DCUN1D1: variants seen among roughly 807,000 people sequenced by gnomAD.
DCUN1D1 encodes DCN1-like protein 1.
In DCUN1D1, 3 loss-of-function variants were observed where a neutral mutation model predicts 39.0. That is an observed-to-expected ratio of 0.08 (90% CI 0.04 to 0.20). The LOEUF (loss-of-function observed/expected upper bound fraction) is 0.20, where lower values mean the gene tolerates loss of function less well. Among genes scored for constraint, DCUN1D1 ranks in the 10% least tolerant of loss-of-function variants. DCUN1D1 has a pLI of 1.00. For missense variants in DCUN1D1, 158 were observed against 302.4 expected, an observed-to-expected ratio of 0.52 and a Z score of 3.54; for synonymous variants, 82 against 96.3, an observed-to-expected ratio of 0.85 and a Z score of 0.87.
intron 1 of DCUN1D1, among the ~76,000 whole-genome samples, chr3:182,972,144 A>T (rs1727976307): frequency 6.6e-6 from 1 of 151,534 alleles, no homozygotes; most frequent in Admixed American, 6.6e-5. Flanking sequence ...AGAAAGAAAA[A>T]TGTATTTATA....
intron 2 of DCUN1D1, among the ~76,000 whole-genome samples, chr3:182,964,772 C>T (rs907936599): frequency 1.3e-5 from 2 of 151,364 alleles, no homozygotes; most frequent in South Asian, 2.1e-4. Context: ...TCCTGAGTAG[C>T]GGGGACTACA....
chr3:182,955,140 A>G (rs1328765662), intron 4 of DCUN1D1, among the ~76,000 whole-genome samples: 1 of 151,932 alleles, frequency 6.6e-6, no homozygotes, highest in African/African-American at 2.4e-5. Context: ...TCCAGGGTTC[A>G]AGGGATTCTC....
At chr3:182,969,002 A>C (rs985795840) in intron 1 of DCUN1D1, among the ~76,000 whole-genome samples, 3 of 152,222 alleles carry the variant, frequency 2.0e-5, no homozygotes, top group African/African-American at 7.2e-5. Flanking sequence ...CCAACACCAT[A>C]AAGGCTACTG....
intron 1 of DCUN1D1, 77 bp from the exon 2 acceptor site, chr3:182,965,830 C>T (rs1243627357): frequency 1.6e-5 from 14 of 895,588 alleles, no homozygotes; most frequent in Non-Finnish European, 1.7e-5. Flanking sequence ...GCTAACTAAA[C>T]ATTCTTAGTA....
intron 4 of DCUN1D1, among the ~76,000 whole-genome samples, chr3:182,957,937 CAAAAAAAAAAA>C (rs34998390): frequency 3.0e-5 from 2 of 67,502 alleles, no homozygotes; most frequent in African/African-American, 6.4e-5. Flanking sequence ...GACCCTGCAT[CAAAAAAAAAAA>C]AAAAAAAAAA....
chr3:182,946,852 A>C (rs1472632433), intron 6 of DCUN1D1, among the ~76,000 whole-genome samples: 1 of 152,208 alleles, frequency 6.6e-6, no homozygotes, highest in Non-Finnish European at 1.5e-5. Context: ...ACAGTGGCTC[A>C]TGCCTATAAT....
rs567083772 is a variant in DCUN1D1, at chr3:182,962,037, GT to G, written c.390-682del. 1.1e-3 allele frequency among the ~76,000 whole-genome samples: 161 copies of G among 152,070 alleles called. 1 individual carries two copies. Among genetic ancestry groups the G allele is most frequent in the Non-Finnish European group, 1.9e-3 (130 of 67,966 alleles). On this transcript the variant is annotated intron_variant, in intron 3 of 6. Coordinates refer to ENST00000292782, the MANE Select transcript of DCUN1D1 (RefSeq NM_020640.4). ...CAATTCAATTTTTTTCCTTCTAATC[GT>G]TTTTTGCTTTCATTTTCCTTCTACA...
At chr3:182,972,104 A>G (rs918228572) in intron 1 of DCUN1D1, among the ~76,000 whole-genome samples, 13 of 138,784 alleles carry the variant, frequency 9.4e-5, no homozygotes, top group South Asian at 2.3e-4. Flanking sequence ...AAGGAAGGGT[A>G]TAAGTTATTT....
rs537636225 is a variant in DCUN1D1 at position 182,969,769 on chromosome 3, C to A, written c.4-4016G>T. ...AAGCAGGGGGGAGGAGAAATGCTAT[C>A]TCTTGTAACAGAAAGCTAATTACAA... On this transcript the variant is annotated intron_variant, in intron 1 of 6. Transcript: ENST00000292782. Among the ~76,000 whole-genome samples the A allele has an allele frequency of 7.9e-4, 120 of 152,238 alleles. 1 individual carries two copies. The highest frequency in any genetic ancestry group is 4.4e-3 in the Admixed American group (68 of 15,282).
chr3:182,954,482 G>A (rs769247360), intron 4 of DCUN1D1, among the ~76,000 whole-genome samples: 9 of 152,120 alleles, frequency 5.9e-5, no homozygotes, highest in African/African-American at 9.7e-5. Context: ...TTTGCTGAAC[G>A]AGAGCCTTGC....
intron 1 of DCUN1D1, chr3:182,980,058 C>T: frequency 1.5e-6 from 1 of 673,226 alleles, no homozygotes; most frequent in South Asian, 6.6e-5. Flanking sequence ...GGCTTCGGGG[C>T]GGGGGGAGGC....
At chr3:182,975,509 TTTC>T (rs1728186388) in intron 1 of DCUN1D1, among the ~76,000 whole-genome samples, 1 of 152,026 alleles carries the variant, frequency 6.6e-6, no homozygotes, top group Non-Finnish European at 1.5e-5. Context: ...TACCTCCAAC[TTTC>T]TTACTATATG....
chr3:182,968,751 T>A (rs945791886), intron 1 of DCUN1D1, among the ~76,000 whole-genome samples: 1 of 151,978 alleles, frequency 6.6e-6, no homozygotes, highest in Non-Finnish European at 1.5e-5. Context: ...AGGCACGCAC[T>A]GCTGCGCCCA....
chr3:182,968,073 T>G (rs1239319733), intron 1 of DCUN1D1, among the ~76,000 whole-genome samples: 3 of 152,098 alleles, frequency 2.0e-5, no homozygotes, highest in Non-Finnish European at 4.4e-5. Flanking sequence ...GGAAATTACG[T>G]AGGTTTTTTT....
chr3:182,980,283 G>A (rs965250380), intron 1 of DCUN1D1: 1 of 330,982 alleles, frequency 3.0e-6, no homozygotes, highest in East Asian at 1.7e-4. Context: ...CTCGGCTCTC[G>A]CGTAGCGGCT....
chr3:182,959,915 T>C (rs1382778636), intron 4 of DCUN1D1, among the ~76,000 whole-genome samples: 3 of 152,166 alleles, frequency 2.0e-5, no homozygotes, highest in East Asian at 1.9e-4. Flanking sequence ...GAGTGTGTTA[T>C]TATAAAGCGA....
intron 1 of DCUN1D1, among the ~76,000 whole-genome samples, chr3:182,977,368 T>C (rs2108402140): frequency 6.6e-6 from 1 of 152,304 alleles, no homozygotes; most frequent in East Asian, 1.9e-4. Context: ...AAAATGTCTA[T>C]GCTGGATGAA....
At chr3:182,958,463 A>C (rs924250692) in intron 4 of DCUN1D1, among the ~76,000 whole-genome samples, 1 of 152,148 alleles carries the variant, frequency 6.6e-6, no homozygotes, top group African/African-American at 2.4e-5. Flanking sequence ...TCTACATTAG[A>C]GTTCATTCTT....
At chr3:182,967,677 G>A (rs191336935) in intron 1 of DCUN1D1, among the ~76,000 whole-genome samples, 2 of 152,252 alleles carry the variant, frequency 1.3e-5, no homozygotes, top group Admixed American at 1.3e-4. Context: ...CTGCACATCA[G>A]ATAAGTCATA....
Sources: gnomAD v4.1 joint callset for allele counts (sites outside exome capture counted in the v4.1 genomes callset) on GRCh38, gnomAD v4.1.1 for gene constraint, MANE v1.5 for transcripts, NCBI Gene and HGNC (gene_info 2026-07-23, HGNC 2026-07-21) for gene names.